Variants in AFTPH observed in about 807,000 individuals in gnomAD.
AFTPH encodes the protein aftiphilin protein.
AFTPH carries 7 observed loss-of-function variants against 72.5 expected under a neutral mutation model. The observed-to-expected ratio is 0.10, with a 90% CI of 0.05 to 0.18. The LOEUF is 0.18. Ranked by LOEUF, AFTPH falls within the 10% of genes least tolerant of loss-of-function variation. AFTPH has a pLI of 1.00. For synonymous variants in AFTPH, 337 were observed against 370.1 expected, an observed-to-expected ratio of 0.91 and a Z score of 1.03; for missense variants, 979 against 1,060.5, an observed-to-expected ratio of 0.92 and a Z score of 1.07.
chr2:64,572,316 G>T (rs17029110), intron 5 of AFTPH, among the ~76,000 whole-genome samples: 1,649 of 151,860 alleles, frequency 0.011, 51 homozygotes, highest in East Asian at 0.064. Context: ...TATCTGCTTT[G>T]CCTGTCCAAG....
rs761924597 is a variant in AFTPH, at chr2:64,581,249, T to G, written c.2455+1703T>G. On this transcript the variant is annotated intron_variant, in intron 7 of 8. Coordinates refer to ENST00000238856, the Ensembl canonical transcript of AFTPH. ...CTTTGGGCCCGTGGATGACAGTAGC[T>G]CTAGCAGCAGCACCACAATCCCAGG... 8 of 1,599,754 alleles carry G rather than the reference T, an allele frequency of 5.0e-6. No homozygotes were observed. In the East Asian group the frequency reaches 1.8e-4, roughly 36 times the overall value.
intron 1 of AFTPH, among the ~76,000 whole-genome samples, chr2:64,537,292 G>A (rs1307617087): frequency 1.3e-5 from 2 of 152,124 alleles, no homozygotes; most frequent in African/African-American, 4.8e-5. Flanking sequence ...GGAGGGAAGA[G>A]GGTGAGGATG....
chr2:64,567,582 G>A, exon 3 of AFTPH: 1 of 1,611,812 alleles, frequency 6.2e-7, no homozygotes, highest in Non-Finnish European at 8.5e-7. Flanking sequence ...TAAACCGCCT[G>A]GAGCGAATTT....
intron 8 of AFTPH, among the ~76,000 whole-genome samples, chr2:64,588,420 G>A (rs1043213230): frequency 6.6e-6 from 1 of 152,178 alleles, no homozygotes; most frequent in Non-Finnish European, 1.5e-5. Flanking sequence ...ATACGTTTTT[G>A]TGTGGACAGA....
intron 2 of AFTPH, among the ~76,000 whole-genome samples, chr2:64,562,432 C>T (rs1443140612): frequency 1.3e-5 from 2 of 151,910 alleles, no homozygotes; most frequent in African/African-American, 4.8e-5. Context: ...AGTCCCTGCC[C>T]TCAAAGCTCT....
intron 7 of AFTPH, among the ~76,000 whole-genome samples, chr2:64,583,950 G>T (rs1673355049): frequency 6.6e-6 from 1 of 151,900 alleles, no homozygotes; most frequent in Admixed American, 6.6e-5. Context: ...AATATGTTAA[G>T]TATCTTAAAA....
intron 1 of AFTPH, among the ~76,000 whole-genome samples, chr2:64,544,342 G>T (rs906535388): frequency 2.6e-5 from 4 of 152,072 alleles, no homozygotes; most frequent in African/African-American, 9.7e-5. Flanking sequence ...CAAGACAATA[G>T]CGGCATTATT....
intron 1 of AFTPH, among the ~76,000 whole-genome samples, chr2:64,531,719 A>C (rs1324574339): frequency 6.6e-6 from 1 of 152,220 alleles, no homozygotes; most frequent in African/African-American, 2.4e-5. Context: ...CTAATGTGAA[A>C]TATATCAGTA....
intron 1 of AFTPH, among the ~76,000 whole-genome samples, chr2:64,535,519 T>C (rs960298595): frequency 2.0e-4 from 30 of 152,340 alleles, no homozygotes; most frequent in African/African-American, 7.2e-4. Flanking sequence ...TACTTATTCT[T>C]TGTGGGACCG....
At chr2:64,574,223 A>G (rs548959940) in intron 6 of AFTPH, among the ~76,000 whole-genome samples, 1 of 152,178 alleles carries the variant, frequency 6.6e-6, no homozygotes, top group Non-Finnish European at 1.5e-5. Context: ...TTAACCTTAG[A>G]TGTCATTTTT....
chr2:64,552,723 A>G, exon 2 of AFTPH: 1 of 1,614,184 alleles, frequency 6.2e-7, no homozygotes, highest in Non-Finnish European at 8.5e-7. Flanking sequence ...AAATGGTGAT[A>G]GTAGTAATGA....
intron 1 of AFTPH, among the ~76,000 whole-genome samples, chr2:64,548,492 T>C (rs1258918394): frequency 3.5e-5 from 5 of 144,906 alleles, no homozygotes; most frequent in Non-Finnish European, 6.0e-5. Context: ...TGTAGGGATA[T>C]AGTATAACTT....
At chr2:64,544,456 A>G (rs1227778186) in intron 1 of AFTPH, among the ~76,000 whole-genome samples, 2 of 152,212 alleles carry the variant, frequency 1.3e-5, no homozygotes, top group Admixed American at 6.5e-5. Flanking sequence ...TACAGGTTAT[A>G]AAGAAATTAG....
intron 6 of AFTPH, among the ~76,000 whole-genome samples, chr2:64,573,811 A>G (rs1176047523): frequency 6.6e-6 from 1 of 151,992 alleles, no homozygotes; most frequent in Non-Finnish European, 1.5e-5. Context: ...GTGTGTGCCA[A>G]CGTGCCCAGC....
chr2:64,588,744 T>C (rs553185019), intron 8 of AFTPH, among the ~76,000 whole-genome samples: 1 of 152,282 alleles, frequency 6.6e-6, no homozygotes, highest in African/African-American at 2.4e-5. Context: ...TCAGATCCTT[T>C]GCCTTTTTTG....
At chr2:64,537,585 C>A (rs760700563) in intron 1 of AFTPH, among the ~76,000 whole-genome samples, 1 of 152,126 alleles carries the variant, frequency 6.6e-6, no homozygotes, top group Non-Finnish European at 1.5e-5. Context: ...TTAATGTTTG[C>A]AAACTTAAAC....
intron 8 of AFTPH, among the ~76,000 whole-genome samples, chr2:64,590,864 C>T (rs1673788804): frequency 6.6e-6 from 1 of 152,118 alleles, no homozygotes; most frequent in African/African-American, 2.4e-5. Context: ...CTTGCTTTAC[C>T]TCCTGGCTTC....
At position 64,540,940 on chromosome 2, in the gene AFTPH, C is replaced by G. The variant is rs116352828; in HGVS notation, c.-32-10503C>G. Among the ~76,000 whole-genome samples, 1,271 of 152,190 alleles carry G rather than the reference C, an allele frequency of 8.4e-3. 23 individuals carry two copies. The highest frequency in any genetic ancestry group is 0.029 in the African/African-American group (1,225 of 41,540). ...GTTTCAGAAACCTTTTTCTGAACCACTCAGAAGCCTTTTTGTAAGAATTTT... is the reference window on the plus strand; with the variant it reads ...GTTTCAGAAACCTTTTTCTGAACCAGTCAGAAGCCTTTTTGTAAGAATTTT... On this transcript the variant is annotated intron_variant, in intron 1 of 8. Transcript: ENST00000238856.
chr2:64,583,894 T>G (rs1257244245), intron 7 of AFTPH, among the ~76,000 whole-genome samples: 3 of 152,204 alleles, frequency 2.0e-5, no homozygotes, highest in Non-Finnish European at 2.9e-5. Flanking sequence ...TGTTTACTTC[T>G]GTAAAGTTGG....
Sources: allele counts gnomAD v4.1 joint callset (sites outside exome capture counted in the v4.1 genomes callset), GRCh38; gene constraint gnomAD v4.1.1; transcripts MANE v1.5; gene names NCBI Gene and HGNC (gene_info 2026-07-23, HGNC 2026-07-21).